Variants in ZNF606 observed in about 807,000 individuals in gnomAD.
The protein encoded by ZNF606 is zinc finger protein 328.
ZNF606 carries 37 observed loss-of-function variants against 74.9 expected under a neutral mutation model. The ratio of observed to expected loss-of-function variants is 0.49; its 90% CI spans 0.38 to 0.65. The LOEUF is 0.65. ZNF606 is among the 30% of genes least tolerant of loss of function. ZNF606 has a pLI of 0.00. For synonymous variants in ZNF606, 328 were observed against 312.4 expected, an observed-to-expected ratio of 1.05 and a Z score of -0.53; for missense variants, 852 against 952.9, an observed-to-expected ratio of 0.89 and a Z score of 1.39.
chr19:57,995,056 T>C, intron 4 of ZNF606, among the ~76,000 whole-genome samples: 1 of 151,624 alleles, frequency 6.6e-6, no homozygotes, highest in East Asian at 1.9e-4. Context: ...CTGGGCGTGG[T>C]GGCATGCACC....
chr19:58,001,178 T>TA, intron 2 of ZNF606, 111 bp downstream of exon 2: 1 of 1,305,442 alleles, frequency 7.7e-7, no homozygotes, highest in South Asian at 1.3e-5. Context: ...TGTACCAAGA[T>TA]AGACAGACCC....
chr19:58,002,989 T>C (rs1332121182), upstream of ZNF606: 2 of 455,574 alleles, frequency 4.4e-6, no homozygotes, highest in Admixed American at 4.7e-5. Flanking sequence ...ATGGACTTTG[T>C]TGTCCCGGTC....
rs182516512 is a variant in ZNF606 at position 57,977,295 on chromosome 19, A to G, written c.*1006T>C. On this transcript the variant is annotated 3_prime_UTR_variant, in exon 7 of 7. Coordinates refer to ENST00000551380, the MANE Select transcript of ZNF606 (RefSeq NM_001348022.3). The stretch of plus-strand genomic sequence containing the variant: ...TAGCCATTTGTAAAACTGGGGTAAC[A>G]GTACCTATCTCAGAGTAAAGGGGAC... The G allele has an allele frequency of 8.5e-4, 129 of 152,340 alleles. 3 individuals are homozygous for G. The highest frequency in any genetic ancestry group is 3.0e-3 in the African/African-American group (125 of 41,580). The allele number at this position is 152,340 out of a possible 1,614,324, so 9.4% of individuals were successfully genotyped here. A position where few individuals can be genotyped will look rare whatever the true frequency, so the allele number is the denominator to read the frequency against.
intron 4 of ZNF606, among the ~76,000 whole-genome samples, chr19:57,989,337 T>G (rs1004663241): frequency 6.6e-6 from 1 of 151,910 alleles, no homozygotes; most frequent in African/African-American, 2.4e-5. Flanking sequence ...AAACTGATTT[T>G]TTTTTTTAAT....
In ZNF606 at chr19:57,986,609, T is replaced by C. The variant is rs2073167391; in HGVS notation, c.400+1598A>G. The stretch of plus-strand genomic sequence containing the variant: ...TGTTTCTAGCTCCTTTTTTTCAGTC[T>C]GTTAAAAGACAACTGCATAAAGCAA... On this transcript the variant is annotated intron_variant, in intron 6 of 6. Transcript: ENST00000551380. Among the ~76,000 whole-genome samples, 4 of 152,162 alleles carry C rather than the reference T, an allele frequency of 2.6e-5. No individual in the cohort carries two copies. The South Asian group carries it at 8.3e-4, about 31-fold the overall frequency.
intron 1 of ZNF606, among the ~76,000 whole-genome samples, chr19:58,001,908 A>T (rs1013923065): frequency 6.6e-6 from 1 of 152,230 alleles, no homozygotes; most frequent in Non-Finnish European, 1.5e-5. Context: ...TCCAAAAAAA[A>T]TTCACCTCCA....
chr19:57,988,367 T>C, intron 5 of ZNF606, 65 bp from the exon 6 acceptor site: 1 of 1,512,398 alleles, frequency 6.6e-7, no homozygotes, highest in Non-Finnish European at 9.1e-7. Flanking sequence ...AGAAAGCTTC[T>C]CTTGCCTATT....
intron 6 of ZNF606, among the ~76,000 whole-genome samples, chr19:57,985,010 G>C (rs1265919366): frequency 6.6e-6 from 1 of 152,162 alleles, no homozygotes; most frequent in Non-Finnish European, 1.5e-5. Flanking sequence ...CAGCAGAATG[G>C]CGTGACCCTG....
At position 57,980,074 on chromosome 19, in the gene ZNF606, C is replaced by G; in HGVS notation, c.606G>C (p.Lys202Asn). ...TAMRQMVFMQ[K>N]QVLSQRSSEF... Reference sequence around the variant, plus strand: ...CAGAGCTTCTCTGGGATAGTACTTGCTTTTGCATGAAGACCATCTGCCTCA... The same window carrying G: ...CAGAGCTTCTCTGGGATAGTACTTGGTTTTGCATGAAGACCATCTGCCTCA... The change falls in exon 7 of 7, where the codon AAG (lysine) becomes AAC (asparagine). Residue 202 changes from lysine to asparagine, a missense_variant. Coordinates refer to ENST00000551380, the MANE Select transcript of ZNF606 (RefSeq NM_001348022.3). The G allele has an allele frequency of 6.2e-7, 1 of 1,613,824 alleles. No homozygotes were observed. The highest frequency in any genetic ancestry group is 1.1e-5 in the South Asian group (1 of 91,082).
intron 4 of ZNF606, among the ~76,000 whole-genome samples, chr19:57,995,148 C>T (rs2073315367): frequency 6.7e-6 from 1 of 148,992 alleles, no homozygotes; most frequent in Admixed American, 6.7e-5. Flanking sequence ...TGAGATGGCA[C>T]CACTGCACTG....
At position 57,979,801 on chromosome 19, in the gene ZNF606, A is replaced by G; in HGVS notation, c.879T>C (p.Asp293=). 1 of 1,613,444 alleles carries G rather than the reference A, an allele frequency of 6.2e-7. No individual in the cohort carries two copies. Among genetic ancestry groups the G allele is most frequent in the Non-Finnish European group, 8.5e-7 (1 of 1,180,006 alleles). Residue 293 remains aspartate (D), a synonymous_variant, in exon 7 of 7, where the codon GAT becomes GAC. Coordinates refer to ENST00000551380, the MANE Select transcript of ZNF606 (RefSeq NM_001348022.3). The part of the protein sequence containing the change: ...QTGDNLFKCT[D]AVKSFNHIIH... ...TTATATGATTGAAAGATTTAACAGCATCAGTACATTTGAAAAGATTATCTC... is the reference window on the plus strand; with the variant it reads ...TTATATGATTGAAAGATTTAACAGCGTCAGTACATTTGAAAAGATTATCTC...
intron 4 of ZNF606, chr19:57,999,466 C>CTGT (rs2073384180): frequency 2.6e-6 from 1 of 384,432 alleles, no homozygotes; most frequent in Non-Finnish European, 4.7e-6. Flanking sequence ...TCACAGCAGG[C>CTGT]ACAGCAGGCA....
intron 6 of ZNF606, among the ~76,000 whole-genome samples, chr19:57,984,332 G>A (rs2073133458): frequency 6.6e-6 from 1 of 152,186 alleles, no homozygotes; most frequent in Non-Finnish European, 1.5e-5. Flanking sequence ...AAGGACAGAG[G>A]TGCTGGAATT....
chr19:57,991,086 T>C (rs11084526), intron 4 of ZNF606, among the ~76,000 whole-genome samples: 59,899 of 151,944 alleles, frequency 0.39, 13,111 homozygotes, highest in South Asian at 0.61. Context: ...CAAGGTACAG[T>C]GCACCCTCGC....
Position 57,979,449 on chromosome 19 carries a change from A to G in ZNF606, c.1231T>C (p.Trp411Arg). The part of the protein sequence containing the change: ...DYNECGTSFI[W>R]SSYLIQHKKT... ...TTATGTTGAATAAGGTAAGAGCTCC[A>G]GATGAAAGACGTCCCACATTCATTG... Residue 411 changes from tryptophan (W) to arginine (R), a missense_variant, in exon 7 of 7, where the codon TGG becomes CGG. Around this residue, in one of 3 missense-constraint regions of ZNF606, gnomAD observed 545 missense variants for 542.5 expected, o/e 1.00. Transcript: ENST00000551380. The G allele has an allele frequency of 1.2e-6, 2 of 1,614,152 alleles. No individual in the cohort carries two copies. The highest frequency in any genetic ancestry group is 1.3e-5 in the African/African-American group (1 of 75,058).
intron 4 of ZNF606, among the ~76,000 whole-genome samples, chr19:57,995,118 G>C (rs1028989756): frequency 1.3e-5 from 2 of 149,596 alleles, no homozygotes; most frequent in Non-Finnish European, 3.0e-5. Context: ...TTGAACCCGC[G>C]AGGCAAGGTT....
intron 6 of ZNF606, among the ~76,000 whole-genome samples, chr19:57,983,880 T>C (rs1033241043): frequency 2.6e-5 from 4 of 151,990 alleles, no homozygotes; most frequent in Non-Finnish European, 4.4e-5. Flanking sequence ...ATAGAAAAAA[T>C]AGAAGGTTTT....
rs1410033221 is a variant in ZNF606, at chr19:58,002,738, C to A, written c.-394G>T. The stretch of plus-strand genomic sequence containing the variant: ...AGCCGGCTCTCCTGACCCCCCAAGC[C>A]CCGCAGCTACGGCGGCCCCACAGCC... On this transcript the variant is annotated 5_prime_UTR_variant, in exon 1 of 7. Transcript: ENST00000551380. The A allele has an allele frequency of 2.2e-6, 1 of 454,232 alleles. No individual in the cohort carries two copies. The highest frequency in any genetic ancestry group is 4.4e-6 in the Non-Finnish European group (1 of 226,056). The allele number at this position is 454,232 out of a possible 1,614,324, so 28.1% of individuals were successfully genotyped here.
chr19:57,994,253 T>A (rs1223169260), intron 4 of ZNF606, among the ~76,000 whole-genome samples: 3 of 151,624 alleles, frequency 2.0e-5, no homozygotes, highest in Non-Finnish European at 2.9e-5. Flanking sequence ...AACATGATCA[T>A]CAGGCCCCCA....
Sources: gnomAD v4.1 joint callset for allele counts (sites outside exome capture counted in the v4.1 genomes callset) on GRCh38, gnomAD v4.1.1 for gene constraint, gnomAD v4.1.1 regional missense constraint, MANE v1.5 for transcripts, NCBI Gene and HGNC (gene_info 2026-07-23, HGNC 2026-07-21) for gene names.